The following DCC variants were observed in gnomAD, a reference collection of about 807,000 sequenced individuals.
DCC encodes netrin receptor DCC.
Under a neutral mutation model 172.5 loss-of-function variants are expected in DCC, and 58 were observed. That is an observed-to-expected ratio of 0.34 (90% CI 0.27 to 0.42). DCC has a LOEUF of 0.42. DCC is among the 10% of genes least tolerant of loss of function. The probability of loss-of-function intolerance (pLI) is 1.00; values close to 1 mark genes in which losing one functional copy is unlikely to be tolerated. For synonymous variants in DCC, 709 were observed against 644.5 expected, an observed-to-expected ratio of 1.10 and a Z score of -1.52; for missense variants, 1,740 against 1,791.0, an observed-to-expected ratio of 0.97 and a Z score of 0.51.
rs529209830 is a variant in DCC, at chr18:52,888,869, A to G, written c.413-17175A>G. On this transcript the variant is annotated intron_variant, in intron 2 of 28. Transcript: ENST00000442544. ...TATATTTGACTAGACTTTTGCATATATAAGTATACATATACACACACCCCT... is the reference window on the plus strand; with the variant it reads ...TATATTTGACTAGACTTTTGCATATGTAAGTATACATATACACACACCCCT... Among the ~76,000 whole-genome samples the G allele has an allele frequency of 9.0e-4, 137 of 152,218 alleles. 1 individual carries two copies. The highest frequency in any genetic ancestry group is 1.4e-3 in the Admixed American group (22 of 15,282).
At chr18:52,518,967 G>A (rs914972891) in intron 1 of DCC, among the ~76,000 whole-genome samples, 1 of 152,224 alleles carries the variant, frequency 6.6e-6, no homozygotes, top group Non-Finnish European at 1.5e-5. Flanking sequence ...GAAGGCCAGA[G>A]AATGCTAACC....
intron 1 of DCC, among the ~76,000 whole-genome samples, chr18:52,700,864 G>A (rs1466511808): frequency 6.6e-6 from 1 of 152,160 alleles, no homozygotes; most frequent in Admixed American, 6.5e-5. Flanking sequence ...TTAAAGTAAA[G>A]GTATTATTGC....
At chr18:52,359,012 T>G (rs1403961121) in intron 1 of DCC, among the ~76,000 whole-genome samples, 1 of 152,352 alleles carries the variant, frequency 6.6e-6, no homozygotes, top group East Asian at 1.9e-4. Flanking sequence ...ACAATTCATT[T>G]AACTAGGGTC....
intron 26 of DCC, among the ~76,000 whole-genome samples, chr18:53,498,672 C>A (rs1481394275): frequency 6.6e-6 from 1 of 151,860 alleles, no homozygotes; most frequent in Non-Finnish European, 1.5e-5. Context: ...CTGAAAATTA[C>A]AAGGTTTACT....
chr18:53,450,190 C>A (rs2145148743), intron 22 of DCC, among the ~76,000 whole-genome samples: 1 of 152,050 alleles, frequency 6.6e-6, no homozygotes, highest in Admixed American at 6.6e-5. Flanking sequence ...TACACACACA[C>A]ACACACCACA....
rs183976116 is a variant in DCC, at chr18:52,839,224, A to G, written c.413-66820A>G. Among the ~76,000 whole-genome samples the G allele has an allele frequency of 2.2e-3, 334 of 152,338 alleles. 2 individuals are homozygous for G. The highest frequency in any genetic ancestry group is 7.6e-3 in the African/African-American group (318 of 41,584). On this transcript the variant is annotated intron_variant, in intron 2 of 28. Coordinates refer to ENST00000442544, the MANE Select transcript of DCC (RefSeq NM_005215.4). ...AATGAAATGACTTTGTTTTTAATTG[A>G]CACAGAAGTTTTCTATTAAGGTGAT...
At chr18:53,268,985 G>C (rs945835701) in intron 12 of DCC, among the ~76,000 whole-genome samples, 1 of 152,210 alleles carries the variant, frequency 6.6e-6, no homozygotes, top group African/African-American at 2.4e-5. Flanking sequence ...TTAGAGGAAA[G>C]AATATTGTCC....
At chr18:53,502,444 T>C (rs766700188) in intron 27 of DCC, among the ~76,000 whole-genome samples, 1 of 152,222 alleles carries the variant, frequency 6.6e-6, no homozygotes. Context: ...TGTTTACTTA[T>C]TCTGATAGAA....
intron 1 of DCC, among the ~76,000 whole-genome samples, chr18:52,478,783 G>A (rs1989169434): frequency 6.6e-6 from 1 of 152,146 alleles, no homozygotes; most frequent in Non-Finnish European, 1.5e-5. Context: ...CATGAGGACA[G>A]CATCAAAGAG....
intron 5 of DCC, among the ~76,000 whole-genome samples, chr18:52,939,498 T>A (rs1212489605): frequency 6.6e-6 from 1 of 152,224 alleles, no homozygotes; most frequent in Admixed American, 6.6e-5. Context: ...TTACTTACTA[T>A]GTCCCCAAAA....
chr18:53,158,156 T>TA (rs200441732), intron 8 of DCC, among the ~76,000 whole-genome samples: 5,100 of 152,138 alleles, frequency 0.034, 113 homozygotes, highest in Non-Finnish European at 0.051. Context: ...AAATCAAATT[T>TA]AAAAAAATAA....
At chr18:52,865,416 C>T (rs577264700) in intron 2 of DCC, among the ~76,000 whole-genome samples, 1 of 152,272 alleles carries the variant, frequency 6.6e-6, no homozygotes, top group Non-Finnish European at 1.5e-5. Flanking sequence ...AATCGCCACA[C>T]TGTCTTCCAC....
intron 7 of DCC, among the ~76,000 whole-genome samples, chr18:53,155,722 C>A (rs1327337928): frequency 6.6e-6 from 1 of 152,168 alleles, no homozygotes; most frequent in Non-Finnish European, 1.5e-5. Flanking sequence ...CATAAATAAA[C>A]CACTTCAAAT....
chr18:53,033,992 A>C (rs2042059457), intron 5 of DCC, among the ~76,000 whole-genome samples: 1 of 151,758 alleles, frequency 6.6e-6, no homozygotes, highest in Admixed American at 6.6e-5. Flanking sequence ...CTCACTGGCC[A>C]CTCCTTTCAG....
chr18:52,940,597 CAA>C (rs2040446712), intron 5 of DCC, among the ~76,000 whole-genome samples: 1 of 152,004 alleles, frequency 6.6e-6, no homozygotes, highest in Admixed American at 6.6e-5. Context: ...GCTGGGGAGA[CAA>C]GAATATTTGG....
intron 12 of DCC, among the ~76,000 whole-genome samples, chr18:53,226,232 G>A (rs141154182): frequency 6.6e-6 from 1 of 152,256 alleles, no homozygotes; most frequent in East Asian, 1.9e-4. Flanking sequence ...TTGCATTCAA[G>A]TGGCTTAGGT....
At chr18:52,912,847 T>C (rs1210571077) in intron 3 of DCC, among the ~76,000 whole-genome samples, 1 of 152,072 alleles carries the variant, frequency 6.6e-6, no homozygotes, top group Non-Finnish European at 1.5e-5. Flanking sequence ...TTTATAATCC[T>C]AGACTTCAAC....
chr18:52,591,789 T>TTA lies in DCC; in HGVS notation c.92-160264_92-160263insAT, dbSNP rs574867777. Among the ~76,000 whole-genome samples, 345 of 141,762 alleles carry TTA rather than the reference T, an allele frequency of 2.4e-3. 3 individuals carry two copies. Among genetic ancestry groups the TTA allele is most frequent in the African/African-American group, 8.6e-3 (318 of 36,918 alleles). 93.0% of individuals were successfully genotyped at this position (141,762 alleles called of 152,430 possible). ...TGTTTTTCTTTCTTTATTTATTTCT[T>TTA]TTTTTTTTTTTTTTCGGTAGTAACG... On this transcript the variant is annotated intron_variant, in intron 1 of 28. Transcript: ENST00000442544.
intron 22 of DCC, among the ~76,000 whole-genome samples, chr18:53,439,060 A>G (rs1043058237): frequency 6.6e-6 from 1 of 152,220 alleles, no homozygotes; most frequent in African/African-American, 2.4e-5. Context: ...TGGAATAACA[A>G]ATTATTTCAG....
Sources: gnomAD v4.1 joint callset for allele counts (sites outside exome capture counted in the v4.1 genomes callset) on GRCh38, gnomAD v4.1.1 for gene constraint, MANE v1.5 for transcripts, NCBI Gene and HGNC (gene_info 2026-07-23, HGNC 2026-07-21) for gene names.